CPLANE1: variants seen among roughly 807,000 people sequenced by gnomAD.
CPLANE1 encodes ciliogenesis and planar polarity effector 1.
In CPLANE1, 263 loss-of-function variants were observed where a neutral mutation model predicts 362.5. The ratio of observed to expected loss-of-function variants is 0.73; its 90% confidence interval spans 0.66 to 0.80. CPLANE1 has a LOEUF of 0.80. Among genes scored for constraint, CPLANE1 ranks in the 30% least tolerant of loss-of-function variants. CPLANE1 has a pLI of 0.00. For synonymous variants in CPLANE1, 1,212 were observed against 1,302.6 expected (o/e 0.93, Z 1.50); for missense variants, 3,461 against 3,793.4 (o/e 0.91, Z 2.30).
intron 15 of CPLANE1, among the ~76,000 whole-genome samples, chr5:37,220,264 A>C (rs1315563663): frequency 2.6e-5 from 4 of 151,666 alleles, no homozygotes; most frequent in Admixed American, 1.3e-4. Flanking sequence ...AAAAAAAAAA[A>C]CTCACAAAAT....
chr5:37,211,692 G>T (rs371718894), intron 16 of CPLANE1: 2 of 782,880 alleles, frequency 2.6e-6, no homozygotes, highest in Non-Finnish European at 4.7e-6. Flanking sequence ...GCCATCACCC[G>T]CTGAGTCTAG....
chr5:37,176,751 A>G (rs1021955462), intron 30 of CPLANE1, among the ~76,000 whole-genome samples: 1 of 141,054 alleles, frequency 7.1e-6, no homozygotes, highest in Non-Finnish European at 1.5e-5. Context: ...AAGAAAATCT[A>G]ATTATGTTGC....
chr5:37,120,081 C>A, intron 50 of CPLANE1, 135 bp downstream of exon 50: 1 of 825,212 alleles, frequency 1.2e-6, no homozygotes, highest in Non-Finnish European at 1.9e-6. Flanking sequence ...AAGTCTTTAT[C>A]AATGCCTCGC....
At chr5:37,097,843 C>T in the CPLANE1 span, among the ~76,000 whole-genome samples, 1 of 152,186 alleles carries the variant, frequency 6.6e-6, no homozygotes. Context: ...CCTCACATCT[C>T]ATAATAACAT....
At chr5:37,126,763 G>C (rs1764238740) in intron 46 of CPLANE1, among the ~76,000 whole-genome samples, 1 of 152,190 alleles carries the variant, frequency 6.6e-6, no homozygotes, top group Non-Finnish European at 1.5e-5. Flanking sequence ...TTGGGAGGCT[G>C]AAGTGGGACA....
intron 45 of CPLANE1, among the ~76,000 whole-genome samples, chr5:37,139,060 T>C (rs1407471725): frequency 2.6e-5 from 4 of 152,136 alleles, no homozygotes; most frequent in Non-Finnish European, 5.9e-5. Context: ...AAACATATGG[T>C]CCAGAAGAAA....
chr5:37,157,200 T>C (rs1775366363), intron 41 of CPLANE1, 113 bp downstream of exon 41: 5 of 430,612 alleles, frequency 1.2e-5, no homozygotes, highest in South Asian at 7.7e-5. Flanking sequence ...CCATGCTCCT[T>C]AGCAAGGGAC....
Position 37,107,392 on chromosome 5 carries a change from A to G in CPLANE1, c.*210T>C. On this transcript the variant is annotated 3_prime_UTR_variant, in exon 53 of 53. Transcript: ENST00000651892. ...CATCAAATACAAAAACATATAATAC[A>G]TCAATAGTCAACCCTTTCCCCATAA... is the stretch of plus-strand genomic sequence containing the variant. 7.9e-7 allele frequency: 1 copy of G among 1,258,714 alleles called. No individual in the cohort carries two copies. The highest frequency in any genetic ancestry group is 1.0e-6 in the Non-Finnish European group (1 of 998,878). 78.0% of individuals were successfully genotyped at this position (1,258,714 alleles called of 1,614,324 possible).
At chr5:37,156,315 T>A (rs1345854697) in intron 41 of CPLANE1, among the ~76,000 whole-genome samples, 1 of 152,032 alleles carries the variant, frequency 6.6e-6, no homozygotes, top group Non-Finnish European at 1.5e-5. Context: ...GGAGGGATAT[T>A]CTTCTAGGCT....
At chr5:37,162,998 T>G (rs564086371) in intron 37 of CPLANE1, among the ~76,000 whole-genome samples, 2 of 152,302 alleles carry the variant, frequency 1.3e-5, no homozygotes, top group East Asian at 3.9e-4. Context: ...GCTTTCTCAA[T>G]GAAGTGTTAT....
intron 41 of CPLANE1, among the ~76,000 whole-genome samples, chr5:37,155,362 T>C (rs759409259): frequency 4.6e-5 from 7 of 152,158 alleles, no homozygotes; most frequent in Non-Finnish European, 7.4e-5. Context: ...ACTCCAAACA[T>C]AATGAACTTT....
rs112182325 is a variant in CPLANE1, at chr5:37,174,095, C to T, written c.5979-148G>A. 1.4e-3 allele frequency: 958 copies of T among 698,484 alleles called. 10 individuals carry two copies. In the African/African-American group the frequency reaches 0.016, roughly 11 times the overall value. 43.3% of individuals were successfully genotyped at this position (698,484 alleles called of 1,614,324 possible). A position where few individuals can be genotyped will look rare whatever the true frequency, so the allele number is the denominator to read the frequency against. ...TTTCTAGAAATTTAAACCCTAAAGC[C>T]TTTCTCTCTAGTGCCCGTCAGCCCC... On this transcript the variant is annotated intron_variant, in intron 31 of 52. Transcript: ENST00000651892.
intron 18 of CPLANE1, among the ~76,000 whole-genome samples, chr5:37,203,800 G>A (rs566107540): frequency 4.6e-4 from 70 of 152,288 alleles, no homozygotes; most frequent in Admixed American, 3.9e-3. Context: ...TTACAGGCAT[G>A]AGCCACTGCG....
At chr5:37,164,132 G>C (rs552017367) in intron 37 of CPLANE1, 141 bp downstream of exon 37, 1 of 603,004 alleles carries the variant, frequency 1.7e-6, no homozygotes, top group East Asian at 2.7e-5. Flanking sequence ...CCTGAGTTGA[G>C]GGGGGTGGAG....
chr5:37,138,904 A>G (rs1768722074), intron 45 of CPLANE1, 56 bp from the exon 46 acceptor site: 1 of 1,463,446 alleles, frequency 6.8e-7, no homozygotes, highest in Non-Finnish European at 9.3e-7. Flanking sequence ...ACTTAATTAC[A>G]TTAAGCAAAA....
At chr5:37,102,533 T>A (rs1757344706), downstream of CPLANE1, among the ~76,000 whole-genome samples, 1 of 152,170 alleles carries the variant, frequency 6.6e-6, no homozygotes, top group East Asian at 1.9e-4. Flanking sequence ...GACCTTTTTG[T>A]TGTGGGGATT....
At chr5:37,134,794 CTTTTTTT>C (rs372028750) in intron 46 of CPLANE1, among the ~76,000 whole-genome samples, 1 of 133,138 alleles carries the variant, frequency 7.5e-6, no homozygotes, top group Non-Finnish European at 1.6e-5. Context: ...AAACTTTCCA[CTTTTTTT>C]TTTTTTTTTT....
At chr5:37,115,527 G>A (rs752643102) in intron 50 of CPLANE1, among the ~76,000 whole-genome samples, 3 of 151,808 alleles carry the variant, frequency 2.0e-5, no homozygotes, top group Non-Finnish European at 4.4e-5. Flanking sequence ...ACTTATCTGA[G>A]GGCAAAAATC....
intron 46 of CPLANE1, among the ~76,000 whole-genome samples, chr5:37,132,127 A>C (rs1766012337): frequency 1.3e-5 from 2 of 152,134 alleles, no homozygotes; most frequent in South Asian, 4.1e-4. Context: ...CGAATAATAG[A>C]AATTAAAATA....
Sources: allele counts gnomAD v4.1 joint callset (sites outside exome capture counted in the v4.1 genomes callset), GRCh38; gene constraint gnomAD v4.1.1; transcripts MANE v1.5; gene names NCBI Gene and HGNC (gene_info 2026-07-23, HGNC 2026-07-21).